Variants in CNGB3 observed in about 807,000 individuals in gnomAD.
CNGB3 encodes cyclic nucleotide-gated channel beta-3.
CNGB3 carries 86 observed loss-of-function variants against 92.8 expected under a neutral mutation model. The observed-to-expected ratio is 0.93, with a 90% CI of 0.78 to 1.11. CNGB3 has a LOEUF of 1.11. Among genes scored for constraint, CNGB3 ranks in the 50% least tolerant of loss-of-function variants. CNGB3 has a pLI of 0.00. For synonymous variants in CNGB3, 333 were observed against 332.7 expected (o/e 1.00, Z -0.01); for missense variants, 1,026 against 956.8 (o/e 1.07, Z -0.95).
intron 10 of CNGB3, among the ~76,000 whole-genome samples, chr8:86,642,851 GA>G (rs1394456412): frequency 6.6e-6 from 1 of 151,338 alleles, no homozygotes; most frequent in East Asian, 1.9e-4. Flanking sequence ...TTTAATTTAT[GA>G]TCCTCGTTAC....
chr8:86,743,347 T>C (rs1469018649), intron 1 of CNGB3, 152 bp downstream of exon 1: 1 of 809,598 alleles, frequency 1.2e-6, no homozygotes, highest in African/African-American at 1.7e-5. Flanking sequence ...ACAGAATATA[T>C]AAATTAATGA....
rs60314574 is a variant in CNGB3, at chr8:86,684,205, C to T, written c.339-13107G>A. Among the ~76,000 whole-genome samples the T allele has an allele frequency of 7.9e-3, 1,197 of 152,130 alleles. 16 individuals carry two copies. Among genetic ancestry groups the T allele is most frequent in the African/African-American group, 0.027 (1,131 of 41,512 alleles). On this transcript the variant is annotated intron_variant, in intron 3 of 17. Transcript: ENST00000320005. ...GTAAAACACATGAACAGACATTTCA[C>T]GGAAGATGATATGCAGATGGCAAAT...
At chr8:86,641,704 C>T (rs575398688) in intron 10 of CNGB3, among the ~76,000 whole-genome samples, 1 of 151,790 alleles carries the variant, frequency 6.6e-6, no homozygotes, top group Non-Finnish European at 1.5e-5. Context: ...TACTCACACT[C>T]ATTTTCTATT....
chr8:86,652,428 C>T (rs1410433734), intron 7 of CNGB3, among the ~76,000 whole-genome samples: 3 of 151,908 alleles, frequency 2.0e-5, no homozygotes, highest in Non-Finnish European at 4.4e-5. Flanking sequence ...AAACCTAGCT[C>T]ACTGTAACTA....
chr8:86,688,342 A>G (rs1019972524), intron 3 of CNGB3, among the ~76,000 whole-genome samples: 1 of 152,014 alleles, frequency 6.6e-6, no homozygotes, highest in Non-Finnish European at 1.5e-5. Context: ...CCTGAAGACA[A>G]TCATCATTTC....
intron 15 of CNGB3, among the ~76,000 whole-genome samples, chr8:86,590,007 A>G (rs1263163046): frequency 1.4e-5 from 2 of 147,080 alleles, no homozygotes; most frequent in Admixed American, 6.8e-5. Context: ...GACTTGCTTT[A>G]TGAATCTGGG....
chr8:86,584,002 A>G (rs1821844601), intron 15 of CNGB3, among the ~76,000 whole-genome samples: 1 of 151,652 alleles, frequency 6.6e-6, no homozygotes, highest in Non-Finnish European at 1.5e-5. Flanking sequence ...TATGTTCTCA[A>G]TGATTTCACA....
At position 86,667,044 on chromosome 8, in the gene CNGB3, G is replaced by A. The variant is rs748386255; in HGVS notation, c.733C>T (p.Gln245Ter). 6.2e-7 allele frequency: 1 copy of A among 1,614,054 alleles called. No individual in the cohort carries two copies. Among genetic ancestry groups the A allele is most frequent in the Non-Finnish European group, 8.5e-7 (1 of 1,179,944 alleles). Residue 245 changes from glutamine (Q) to a stop codon, truncating the protein, a stop_gained, in exon 6 of 18, where the codon CAA (glutamine) becomes TAA (stop). Transcript: ENST00000320005. LOFTEE classifies it high-confidence loss of function. The stretch of plus-strand genomic sequence containing the variant: ...CAGTAGTGTATGTTGTCTGCGGTTT[G>A]ATATGGGAAGACGAGGCGCAGTGGT... ...FIPLRLVFPY[Q>*]TADNIHYWLI...
At chr8:86,601,321 A>G (rs570653309) in intron 15 of CNGB3, among the ~76,000 whole-genome samples, 4 of 152,274 alleles carry the variant, frequency 2.6e-5, no homozygotes, top group Non-Finnish European at 5.9e-5. Context: ...AAAATGATGG[A>G]CCTGGAACCA....
chr8:86,694,080 A>AC lies in CNGB3; in HGVS notation c.339-22983dup, dbSNP rs71275874. ...GGCGGCTGGCCGGGCGGGGGGGCTG[A>AC]CCCCCCCACCTCCCTCCCAGACGGG... On this transcript the variant is annotated intron_variant, in intron 3 of 17. Coordinates refer to ENST00000320005, the MANE Select transcript of CNGB3 (RefSeq NM_019098.5). 4.9e-4 allele frequency among the ~76,000 whole-genome samples: 52 copies of AC among 105,594 alleles called. 2 individuals carry two copies. Among genetic ancestry groups the AC allele is most frequent in the Admixed American group, 1.9e-3 (21 of 10,930 alleles). The allele number at this position is 105,594 out of a possible 152,430, so 69.3% of individuals were successfully genotyped here. A position where few individuals can be genotyped will look rare whatever the true frequency, so the allele number is the denominator to read the frequency against.
At chr8:86,597,497 G>A (rs1180280056) in intron 15 of CNGB3, among the ~76,000 whole-genome samples, 9 of 152,200 alleles carry the variant, frequency 5.9e-5, no homozygotes, top group Non-Finnish European at 1.2e-4. Flanking sequence ...TTGGATGAAA[G>A]TGTACAGCAG....
At position 86,612,946 on chromosome 8, in the gene CNGB3, A is replaced by G. The variant is rs112488284; in HGVS notation, c.1579-1275T>C. Among the ~76,000 whole-genome samples the G allele has an allele frequency of 3.6e-3, 549 of 152,338 alleles. 3 individuals carry two copies. Among genetic ancestry groups the G allele is most frequent in the African/African-American group, 0.012 (511 of 41,584 alleles). On this transcript the variant is annotated intron_variant, in intron 13 of 17. Transcript: ENST00000320005. Reference sequence around the variant, plus strand: ...AGTTGGGGTGATCTTGTAAGTAAGCAGAAAAGCTGTAATTGATGGTAGAAG... The same window carrying G: ...AGTTGGGGTGATCTTGTAAGTAAGCGGAAAAGCTGTAATTGATGGTAGAAG...
intron 7 of CNGB3, among the ~76,000 whole-genome samples, chr8:86,649,998 T>C (rs1270772274): frequency 1.3e-5 from 2 of 151,312 alleles, no homozygotes; most frequent in Admixed American, 6.6e-5. Flanking sequence ...TATTAATAGA[T>C]ATTTTTCAAA....
Position 86,628,015 on chromosome 8 carries a change from A to C in CNGB3, c.1480+904T>G. Among the ~76,000 whole-genome samples, 2 of 152,186 alleles carry C rather than the reference A, an allele frequency of 1.3e-5. 1 individual carries two copies. The highest frequency in any genetic ancestry group is 4.2e-4 in the South Asian group (2 of 4,818). On this transcript the variant is annotated intron_variant, in intron 12 of 17. Coordinates refer to ENST00000320005, the MANE Select transcript of CNGB3 (RefSeq NM_019098.5). ...AGTAAGTATAGTTCTTTTCCTTATAATTTTCTTAATAACATTTTCTTTTCT... is the reference window on the plus strand; with the variant it reads ...AGTAAGTATAGTTCTTTTCCTTATACTTTTCTTAATAACATTTTCTTTTCT...
Position 86,743,628 on chromosome 8 carries a change from C to A in CNGB3, c.-1G>T. On this transcript the variant is annotated 5_prime_UTR_variant, in exon 1 of 18. Coordinates refer to ENST00000320005, the MANE Select transcript of CNGB3 (RefSeq NM_019098.5). ...TGACTTTTGTCAGCGATTTAAACATCTTCTCTGAGGTGGTTCTGAAAACCC... is the reference window on the plus strand; with the variant it reads ...TGACTTTTGTCAGCGATTTAAACATATTCTCTGAGGTGGTTCTGAAAACCC... 1 of 1,613,906 alleles carries A rather than the reference C, an allele frequency of 6.2e-7. No homozygotes were observed. The highest frequency in any genetic ancestry group is 8.5e-7 in the Non-Finnish European group (1 of 1,179,790).
chr8:86,641,737 G>A (rs1376874445), intron 10 of CNGB3, among the ~76,000 whole-genome samples: 1 of 151,702 alleles, frequency 6.6e-6, no homozygotes, highest in African/African-American at 2.4e-5. Context: ...TGGTACATAT[G>A]TTTGTGTTTT....
chr8:86,674,597 A>G (rs949970572), intron 3 of CNGB3, among the ~76,000 whole-genome samples: 2 of 152,234 alleles, frequency 1.3e-5, no homozygotes, highest in Admixed American at 1.3e-4. Flanking sequence ...AAAAGGGATA[A>G]AAGAAAGAAC....
rs1823912929 is a variant in CNGB3 at position 86,673,839 on chromosome 8, G to A, written c.339-2741C>T. Among the ~76,000 whole-genome samples the A allele has an allele frequency of 2.0e-5, 3 of 152,128 alleles. No homozygotes were observed. In the South Asian group the frequency reaches 6.2e-4, roughly 31 times the overall value. On this transcript the variant is annotated intron_variant, in intron 3 of 17. Coordinates refer to ENST00000320005, the MANE Select transcript of CNGB3 (RefSeq NM_019098.5). ...GTTTGAGGTGTTTGTAGGACCTTGT[G>A]TGATAAAACCTTGTCTGTGATATTC... is the stretch of plus-strand genomic sequence containing the variant.
At chr8:86,670,088 T>A (rs1823825247) in intron 4 of CNGB3, among the ~76,000 whole-genome samples, 1 of 152,138 alleles carries the variant, frequency 6.6e-6, no homozygotes, top group African/African-American at 2.4e-5. Context: ...GACCTCGTGA[T>A]CTGCCTGCCT....
Sources: gnomAD v4.1 joint callset for allele counts (sites outside exome capture counted in the v4.1 genomes callset) on GRCh38, gnomAD v4.1.1 for gene constraint, MANE v1.5 for transcripts, NCBI Gene and HGNC (gene_info 2026-07-23, HGNC 2026-07-21) for gene names.